The following ARMC8 variants were observed in gnomAD, a reference collection of about 807,000 sequenced individuals.
ARMC8 encodes armadillo repeat containing 8.
In ARMC8, 20 loss-of-function variants were observed where a neutral mutation model predicts 99.3. That is an observed-to-expected ratio of 0.20 (90% CI 0.14 to 0.29). The LOEUF is 0.29. Ranked by LOEUF, ARMC8 falls within the 10% of genes least tolerant of loss-of-function variation. ARMC8 has a pLI of 1.00. For missense variants in ARMC8, 569 were observed against 809.5 expected, an observed-to-expected ratio of 0.70 and a Z score of 3.60; for synonymous variants, 263 against 278.3, an observed-to-expected ratio of 0.95 and a Z score of 0.55.
chr3:138,280,879 C>T (rs1173959270), intron 18 of ARMC8, among the ~76,000 whole-genome samples: 5 of 152,168 alleles, frequency 3.3e-5, no homozygotes, highest in African/African-American at 9.7e-5. Context: ...CCACCTGCCT[C>T]GGCCTCCCAA....
intron 14 of ARMC8, among the ~76,000 whole-genome samples, chr3:138,265,456 A>G (rs976412435): frequency 6.6e-6 from 1 of 152,154 alleles, no homozygotes; most frequent in East Asian, 1.9e-4. Flanking sequence ...CATACCTGCT[A>G]TGTACTAAGC....
At chr3:138,269,634 G>A (rs2048588555) in intron 15 of ARMC8, among the ~76,000 whole-genome samples, 1 of 152,076 alleles carries the variant, frequency 6.6e-6, no homozygotes, top group Admixed American at 6.6e-5. Context: ...GAGTTCGTAA[G>A]CAATGCACAA....
At chr3:138,189,973 C>T (rs868568869) in intron 1 of ARMC8, among the ~76,000 whole-genome samples, 1 of 152,194 alleles carries the variant, frequency 6.6e-6, no homozygotes, top group Non-Finnish European at 1.5e-5. Context: ...CTCCTTTCAT[C>T]CCCCTGTATC....
chr3:138,226,831 T>G (rs2045722941), intron 5 of ARMC8, among the ~76,000 whole-genome samples: 1 of 152,154 alleles, frequency 6.6e-6, no homozygotes, highest in South Asian at 2.1e-4. Context: ...GCCAGCTGTT[T>G]TACATGAGAA....
At chr3:138,209,163 T>C (rs948538918) in intron 1 of ARMC8, among the ~76,000 whole-genome samples, 1 of 152,254 alleles carries the variant, frequency 6.6e-6, no homozygotes. Context: ...TACTAATTTA[T>C]AGAAGTAATA....
rs1482036483 is a variant in ARMC8 at position 138,296,917 on chromosome 3, T to G, written c.*1025T>G. On this transcript the variant is annotated 3_prime_UTR_variant, in exon 22 of 22. Transcript: ENST00000469044. ...ATTTAGAACCAGTCATGGAAACTTG[T>G]GCTCAAACTAAAAGTAGGTCATCAC... 1 of 152,202 alleles carries G rather than the reference T, an allele frequency of 6.6e-6. No homozygotes were observed. Among genetic ancestry groups the G allele is most frequent in the Admixed American group, 6.5e-5 (1 of 15,284 alleles). The allele number at this position is 152,202 out of a possible 1,614,324, so 9.4% of individuals were successfully genotyped here.
chr3:138,199,991 C>T (rs1330205719), intron 1 of ARMC8, among the ~76,000 whole-genome samples: 7 of 152,112 alleles, frequency 4.6e-5, no homozygotes, highest in Non-Finnish European at 1.0e-4. Flanking sequence ...CCCAGTTGAC[C>T]GGAAGGTTGA....
chr3:138,191,469 C>T (rs2043377930), intron 1 of ARMC8, among the ~76,000 whole-genome samples: 1 of 152,164 alleles, frequency 6.6e-6, no homozygotes, highest in Non-Finnish European at 1.5e-5. Flanking sequence ...TAGGTTACAT[C>T]TTATATAGTT....
intron 2 of ARMC8, among the ~76,000 whole-genome samples, chr3:138,215,310 G>A (rs752585434): frequency 7.3e-5 from 11 of 151,584 alleles, no homozygotes; most frequent in Admixed American, 1.3e-4. Context: ...TCTGCCTCCC[G>A]GGTTCAAGTG....
At chr3:138,254,368 T>C (rs2047278751) in intron 12 of ARMC8, among the ~76,000 whole-genome samples, 1 of 152,172 alleles carries the variant, frequency 6.6e-6, no homozygotes, top group Non-Finnish European at 1.5e-5. Context: ...GACCTGAAAA[T>C]TTAGCCAGCT....
intron 12 of ARMC8, among the ~76,000 whole-genome samples, chr3:138,252,746 GCCCCCCCC>G (rs753073185): frequency 2.0e-4 from 1 of 4,958 alleles, no homozygotes; most frequent in Non-Finnish European, 1.4e-3. Flanking sequence ...GAGCCACCCC[GCCCCCCCC>G]CCCCCCCCAC....
intron 2 of ARMC8, among the ~76,000 whole-genome samples, chr3:138,210,749 T>C (rs2044648146): frequency 6.6e-6 from 1 of 152,196 alleles, no homozygotes; most frequent in Admixed American, 6.5e-5. Context: ...TGCTTAGCCA[T>C]GGCAAGGCTG....
intron 1 of ARMC8, among the ~76,000 whole-genome samples, chr3:138,197,167 G>A (rs1211667173): frequency 6.6e-6 from 1 of 152,178 alleles, no homozygotes; most frequent in Non-Finnish European, 1.5e-5. Context: ...AGTGGCCTGC[G>A]ATATTGCCGT....
chr3:138,234,871 A>G (rs976789126), intron 6 of ARMC8, among the ~76,000 whole-genome samples, 163 bp from the exon 7 acceptor site: 8 of 152,190 alleles, frequency 5.3e-5, no homozygotes, highest in African/African-American at 1.9e-4. Context: ...GCAGGACTAA[A>G]CACAGTGTTT....
chr3:138,231,554 A>G (rs367591667), intron 6 of ARMC8, among the ~76,000 whole-genome samples: 20 of 152,310 alleles, frequency 1.3e-4, no homozygotes, highest in African/African-American at 3.8e-4. Context: ...TTGAAATTCT[A>G]ACTTCTAAAC....
chr3:138,223,117 C>T (rs910812573), intron 3 of ARMC8, among the ~76,000 whole-genome samples: 2 of 152,154 alleles, frequency 1.3e-5, no homozygotes, highest in East Asian at 1.9e-4. Context: ...ACTCTGATGA[C>T]GCTGTTTCTA....
At chr3:138,264,698 A>G (rs994199648) in intron 14 of ARMC8, among the ~76,000 whole-genome samples, 2 of 151,810 alleles carry the variant, frequency 1.3e-5, no homozygotes, top group African/African-American at 2.4e-5. Context: ...GATTACAGGC[A>G]TGAGCCACTG....
At chr3:138,263,591 C>T in intron 12 of ARMC8, 148 bp from the exon 13 acceptor site, 1 of 716,226 alleles carries the variant, frequency 1.4e-6, no homozygotes, top group Admixed American at 2.1e-5. Context: ...GCTGCCCGCC[C>T]CCAGCGCAAG....
chr3:138,187,752 C>A (rs2043145969), intron 1 of ARMC8, 153 bp downstream of exon 1: 4 of 799,930 alleles, frequency 5.0e-6, no homozygotes, highest in African/African-American at 3.5e-5. Flanking sequence ...GGTGGAGAGG[C>A]GGGATAGACG....
Sources: gnomAD v4.1 joint callset for allele counts (sites outside exome capture counted in the v4.1 genomes callset) on GRCh38, gnomAD v4.1.1 for gene constraint, MANE v1.5 for transcripts, NCBI Gene and HGNC (gene_info 2026-07-23, HGNC 2026-07-21) for gene names.